The following CREB5 variants were observed in gnomAD, a reference collection of about 807,000 sequenced individuals.
CREB5 encodes cyclic AMP-responsive element-binding protein 5.
CREB5 carries 19 observed loss-of-function variants against 57.1 expected under a neutral mutation model. That is an observed-to-expected ratio of 0.33 (90% CI 0.23 to 0.49). CREB5 has a LOEUF of 0.49. Ranked by LOEUF, CREB5 falls within the 20% of genes least tolerant of loss-of-function variation. The pLI, the probability that CREB5 is intolerant of heterozygous loss-of-function variation, is 0.99. For synonymous variants in CREB5, 238 were observed against 238.3 expected (o/e 1.00, Z 0.01); for missense variants, 579 against 671.6 (o/e 0.86, Z 1.52).
chr7:28,402,403 G>A lies in CREB5; in HGVS notation c.-24-92503G>A, dbSNP rs915852224. Among the ~76,000 whole-genome samples the A allele has an allele frequency of 6.6e-5, 10 of 152,232 alleles. No homozygotes were observed. The South Asian group carries it at 8.3e-4, about 13-fold the overall frequency. ...AAAGGAACAAAGCTGGAGGCATCAC[G>A]CTACCTGACTTCAAGCTGTATACTA... is the stretch of plus-strand genomic sequence containing the variant. On this transcript the variant is annotated intron_variant, in intron 1 of 9. Coordinates refer to the CREB5 transcript ENST00000396299.
intron 5 of CREB5, among the ~76,000 whole-genome samples, chr7:28,590,426 G>A (rs1469136974): frequency 6.7e-6 from 1 of 150,118 alleles, no homozygotes; most frequent in Non-Finnish European, 1.5e-5. Context: ...ACTATAGCAA[G>A]GACAAAAAAC....
intron 1 of CREB5, among the ~76,000 whole-genome samples, chr7:28,378,517 C>T (rs535678272): frequency 1.7e-4 from 26 of 152,126 alleles, no homozygotes; most frequent in African/African-American, 5.8e-4. Flanking sequence ...ATGTTTATTC[C>T]TCTTAAGTCT....
chr7:28,448,411 CCTG>C (rs1789602953), intron 1 of CREB5, among the ~76,000 whole-genome samples: 1 of 152,222 alleles, frequency 6.6e-6, no homozygotes, highest in African/African-American at 2.4e-5. Context: ...ATTTTCTAGA[CCTG>C]CTCAATGTGG....
chr7:28,473,907 G>A (rs1043516974), intron 1 of CREB5, among the ~76,000 whole-genome samples: 1 of 152,180 alleles, frequency 6.6e-6, no homozygotes, highest in African/African-American at 2.4e-5. Flanking sequence ...AGTGTTTTAG[G>A]GTGTACCTTT....
At chr7:28,616,662 C>T (rs1406608038) in intron 5 of CREB5, among the ~76,000 whole-genome samples, 1 of 152,100 alleles carries the variant, frequency 6.6e-6, no homozygotes, top group Non-Finnish European at 1.5e-5. Flanking sequence ...TATCTGCACT[C>T]CAACCAGAGA....
rs368215968 is a variant in CREB5 at position 28,686,037 on chromosome 7, A to G, written c.465-32716A>G. On this transcript the variant is annotated intron_variant, in intron 5 of 10. Transcript: ENST00000357727. ...GGAGAGCCAGAGCTAGGCGCAAAAG[A>G]AGGGCCAGCACATTACATCATCGCT... The G allele has an allele frequency of 1.2e-5, 15 of 1,200,598 alleles. No individual in the cohort carries two copies. In the African/African-American group the frequency reaches 1.9e-4, roughly 15 times the overall value. 74.4% of individuals were successfully genotyped at this position (1,200,598 alleles called of 1,614,324 possible). A position where few individuals can be genotyped will look rare whatever the true frequency, so the allele number is the denominator to read the frequency against.
intron 5 of CREB5, among the ~76,000 whole-genome samples, chr7:28,621,265 A>C (rs929459749): frequency 1.3e-5 from 2 of 152,190 alleles, no homozygotes; most frequent in Admixed American, 6.5e-5. Flanking sequence ...TGTGTAAAAA[A>C]TTATAGGCAT....
At position 28,495,017 on chromosome 7, in the gene CREB5, A is replaced by G. The variant is rs1791970292; in HGVS notation, c.169+18A>G. The G allele has an allele frequency of 6.4e-7, 1 of 1,563,418 alleles. No homozygotes were observed. ...GTTATCAGGTAAGGAGCCATCAGGA[A>G]AAGAAGCTTTGGGTGATCAGATCTG... On this transcript the variant is annotated intron_variant, in intron 3 of 10. Transcript: ENST00000357727.
At chr7:28,633,972 C>T (rs1285970708) in intron 5 of CREB5, among the ~76,000 whole-genome samples, 1 of 152,172 alleles carries the variant, frequency 6.6e-6, no homozygotes, top group Non-Finnish European at 1.5e-5. Context: ...AAAAGAAAAT[C>T]AATGTGTCTG....
intron 5 of CREB5, among the ~76,000 whole-genome samples, chr7:28,640,537 A>G (rs1052850334): frequency 6.6e-6 from 1 of 152,182 alleles, no homozygotes; most frequent in African/African-American, 2.4e-5. Flanking sequence ...ACAAAATTAG[A>G]TTAAGAAAAA....
intron 5 of CREB5, among the ~76,000 whole-genome samples, chr7:28,673,068 T>C (rs764377661): frequency 6.6e-6 from 1 of 152,174 alleles, no homozygotes; most frequent in African/African-American, 2.4e-5. Context: ...GAAGGATTGA[T>C]TTAGACCCAG....
At chr7:28,425,820 AC>A (rs1220869593) in intron 1 of CREB5, among the ~76,000 whole-genome samples, 1 of 152,140 alleles carries the variant, frequency 6.6e-6, no homozygotes, top group Non-Finnish European at 1.5e-5. Context: ...CCTTCACTGC[AC>A]CTTTGACATT....
intron 4 of CREB5, among the ~76,000 whole-genome samples, chr7:28,546,333 A>T (rs1794423245): frequency 6.6e-6 from 1 of 152,218 alleles, no homozygotes; most frequent in Non-Finnish European, 1.5e-5. Flanking sequence ...GGTTATTATG[A>T]ATAATGCTGA....
chr7:28,417,415 C>T (rs1449658222), intron 1 of CREB5, among the ~76,000 whole-genome samples: 2 of 149,744 alleles, frequency 1.3e-5, no homozygotes, highest in Non-Finnish European at 3.0e-5. Context: ...TACAACATAT[C>T]TCAATTTGGA....
At chr7:28,404,532 G>A (rs1472905601) in intron 1 of CREB5, among the ~76,000 whole-genome samples, 3 of 152,148 alleles carry the variant, frequency 2.0e-5, no homozygotes, top group Admixed American at 6.6e-5. Context: ...CAGACATGCC[G>A]TGATCACCAA....
At chr7:28,590,884 A>G (rs1242592199) in intron 5 of CREB5, among the ~76,000 whole-genome samples, 2 of 152,126 alleles carry the variant, frequency 1.3e-5, no homozygotes, top group Non-Finnish European at 2.9e-5. Flanking sequence ...GTCCTCAATG[A>G]CATTATCATC....
rs546185827 is a variant in CREB5 at position 28,496,736 on chromosome 7, A to G, written c.169+1737A>G. Among the ~76,000 whole-genome samples, 7 of 151,900 alleles carry G rather than the reference A, an allele frequency of 4.6e-5. No individual in the cohort carries two copies. In the South Asian group the frequency reaches 1.5e-3, roughly 32 times the overall value. On this transcript the variant is annotated intron_variant, in intron 3 of 10. Transcript: ENST00000357727. ...TCTGGCTTGGAAGACACCGAGTTCA[A>G]AGGCAGCATCTGCCCTTCTCTTCAC...
chr7:28,602,037 G>A (rs531552233), intron 5 of CREB5, among the ~76,000 whole-genome samples: 1 of 152,252 alleles, frequency 6.6e-6, no homozygotes, highest in East Asian at 1.9e-4. Context: ...ACATTATGGT[G>A]TGGTATATTT....
chr7:28,516,671 C>G (rs1024807473), intron 4 of CREB5, among the ~76,000 whole-genome samples: 1 of 152,190 alleles, frequency 6.6e-6, no homozygotes, highest in Non-Finnish European at 1.5e-5. Context: ...GAAGCTCCGC[C>G]TTAAGGTCTG....
Sources: allele counts gnomAD v4.1 joint callset (sites outside exome capture counted in the v4.1 genomes callset), GRCh38; gene constraint gnomAD v4.1.1; transcripts MANE v1.5; gene names NCBI Gene and HGNC (gene_info 2026-07-23, HGNC 2026-07-21).